The following SMIM36 variants were observed in gnomAD, a reference collection of about 807,000 sequenced individuals.
SMIM36 encodes the protein small integral membrane protein 36.
chr17:55,471,194 G>T (rs544586543), intron 3 of SMIM36, among the ~76,000 whole-genome samples: 1 of 152,248 alleles, frequency 6.6e-6, no homozygotes, highest in South Asian at 2.1e-4. Flanking sequence ...CACCTGGACT[G>T]TTCTGCCCCA....
At chr17:55,514,162 T>G (rs1381818084), upstream of SMIM36, among the ~76,000 whole-genome samples, 1 of 152,136 alleles carries the variant, frequency 6.6e-6, no homozygotes, top group East Asian at 1.9e-4. Flanking sequence ...TCTTTCCTTC[T>G]TTTGCTGTCT....
At chr17:55,485,225 T>C (rs1909583814) in intron 1 of SMIM36, among the ~76,000 whole-genome samples, 1 of 152,236 alleles carries the variant, frequency 6.6e-6, no homozygotes, top group Non-Finnish European at 1.5e-5. Context: ...ATTTTCTCTA[T>C]GTCTTAGTAT....
chr17:55,464,913 A>G (rs1015823970), intron 4 of SMIM36, among the ~76,000 whole-genome samples: 7 of 152,168 alleles, frequency 4.6e-5, no homozygotes, highest in African/African-American at 1.7e-4. Flanking sequence ...TAGTTCTTGG[A>G]TTTGCAAACC....
At chr17:55,504,083 G>T (rs1910041610) in intron 1 of SMIM36, among the ~76,000 whole-genome samples, 2 of 109,450 alleles carry the variant, frequency 1.8e-5, no homozygotes, top group African/African-American at 4.3e-5. Flanking sequence ...AGCAAGTCCT[G>T]AGTGACCTAC....
the SMIM36 span, among the ~76,000 whole-genome samples, chr17:55,530,523 G>A: frequency 1.1e-4 from 17 of 152,186 alleles, no homozygotes; most frequent in African/African-American, 3.9e-4. Flanking sequence ...GGTGGCTCAC[G>A]CTTGTAATCC....
intron 1 of SMIM36, among the ~76,000 whole-genome samples, chr17:55,497,766 T>C (rs547995557): frequency 1.3e-5 from 2 of 152,276 alleles, no homozygotes; most frequent in East Asian, 3.9e-4. Flanking sequence ...CAGCATCGAT[T>C]TCCTAGGCAG....
At chr17:55,464,551 T>TA (rs1402946007) in intron 4 of SMIM36, among the ~76,000 whole-genome samples, 2 of 151,774 alleles carry the variant, frequency 1.3e-5, no homozygotes, top group Non-Finnish European at 2.9e-5. Flanking sequence ...ACAAGATAAA[T>TA]ACATAAGGTA....
At chr17:55,487,354 AAAAT>A (rs1909626250) in intron 1 of SMIM36, among the ~76,000 whole-genome samples, 1 of 152,338 alleles carries the variant, frequency 6.6e-6, no homozygotes, top group East Asian at 1.9e-4. Flanking sequence ...AGTATCATAA[AAAAT>A]AAATAAATAA....
intron 1 of SMIM36, among the ~76,000 whole-genome samples, chr17:55,487,648 G>A (rs889283025): frequency 6.6e-6 from 1 of 152,200 alleles, no homozygotes; most frequent in African/African-American, 2.4e-5. Context: ...TGTAGGAACT[G>A]AGGGATGCCT....
chr17:55,480,916 A>G (rs886461829), intron 1 of SMIM36, among the ~76,000 whole-genome samples: 3 of 152,182 alleles, frequency 2.0e-5, no homozygotes, highest in Admixed American at 1.3e-4. Flanking sequence ...CAATTTTTCT[A>G]GGCATATTAT....
intron 4 of SMIM36, among the ~76,000 whole-genome samples, chr17:55,450,980 G>T (rs1178181728): frequency 6.6e-6 from 1 of 151,826 alleles, no homozygotes; most frequent in South Asian, 2.1e-4. Flanking sequence ...TCCGCCTCCC[G>T]AGTTCAAGCA....
At chr17:55,450,960 CACTGCAA>C (rs745380100) in intron 4 of SMIM36, among the ~76,000 whole-genome samples, 34 of 152,186 alleles carry the variant, frequency 2.2e-4, no homozygotes, top group South Asian at 4.1e-4. Flanking sequence ...GATCATGGCT[CACTGCAA>C]CCTCCGCCTC....
intron 4 of SMIM36, among the ~76,000 whole-genome samples, chr17:55,461,631 G>GA (rs1413108870): frequency 1.3e-5 from 2 of 151,792 alleles, no homozygotes; most frequent in East Asian, 1.9e-4. Flanking sequence ...CAAAAACAAA[G>GA]AAAAAACATA....
At chr17:55,491,247 C>CAA (rs1206937453) in intron 1 of SMIM36, among the ~76,000 whole-genome samples, 688 of 52,438 alleles carry the variant, frequency 0.013, 6 homozygotes, top group African/African-American at 0.034. Flanking sequence ...GTCTCCTCAC[C>CAA]AAAAAAAAAA....
the SMIM36 span, among the ~76,000 whole-genome samples, chr17:55,519,084 A>G: frequency 6.6e-6 from 1 of 152,042 alleles, no homozygotes; most frequent in Admixed American, 6.6e-5. Context: ...AAAAGAGGTG[A>G]ATTTTTGAAA....
chr17:55,457,463 A>G (rs1381919383), intron 4 of SMIM36, among the ~76,000 whole-genome samples: 1 of 151,486 alleles, frequency 6.6e-6, no homozygotes, highest in Non-Finnish European at 1.5e-5. Flanking sequence ...AAAAAAAAAA[A>G]AAAAAAAGAA....
intron 1 of SMIM36, among the ~76,000 whole-genome samples, chr17:55,505,721 G>A (rs1356347608): frequency 1.1e-5 from 1 of 89,906 alleles, no homozygotes; most frequent in Admixed American, 1.1e-4. Context: ...GGAAGTTCTG[G>A]CCAGGGCAAT....
chr17:55,463,935 G>T (rs982049707), intron 4 of SMIM36, among the ~76,000 whole-genome samples: 3 of 152,038 alleles, frequency 2.0e-5, no homozygotes, highest in African/African-American at 7.2e-5. Flanking sequence ...GATCAACATG[G>T]CAAAACCCAG....
intron 1 of SMIM36, among the ~76,000 whole-genome samples, chr17:55,491,920 G>C (rs1238340455): frequency 6.6e-6 from 1 of 152,100 alleles, no homozygotes; most frequent in Admixed American, 6.5e-5. Flanking sequence ...AGCACTTCCG[G>C]AGGCCGAGGT....
Sources: allele counts gnomAD v4.1 joint callset (sites outside exome capture counted in the v4.1 genomes callset), GRCh38; gene constraint gnomAD v4.1.1; transcripts MANE v1.5; gene names NCBI Gene and HGNC (gene_info 2026-07-23, HGNC 2026-07-21).